UBAC2: variants seen among roughly 807,000 people sequenced by gnomAD.
UBAC2 encodes UBA domain containing 2, also known as ubiquitin-associated domain-containing protein 2.
In UBAC2, 26 loss-of-function variants were observed where a neutral mutation model predicts 44.0. The ratio of observed to expected loss-of-function variants is 0.59; its 90% CI spans 0.43 to 0.82. UBAC2 has a LOEUF of 0.82. UBAC2 is among the 40% of genes least tolerant of loss of function. The pLI is 0.00. For synonymous variants in UBAC2, 155 were observed against 154.3 expected, an observed-to-expected ratio of 1.00 and a Z score of -0.04; for missense variants, 329 against 419.4, an observed-to-expected ratio of 0.78 and a Z score of 1.88.
rs569741624 is a variant in UBAC2 at position 99,362,242 on chromosome 13, T to G, written c.808-5545T>G. On this transcript the variant is annotated intron_variant, in intron 7 of 8. Coordinates refer to ENST00000403766, the MANE Select transcript of UBAC2 (RefSeq NM_001144072.2). The stretch of plus-strand genomic sequence containing the variant: ...TTTATTGTAGCTGCTTTTATAATGG[T>G]CTTTTATATAATAGAACCACTTATT... Among the ~76,000 whole-genome samples the G allele has an allele frequency of 2.0e-5, 3 of 152,330 alleles. No homozygotes were observed. The South Asian group carries it at 6.2e-4, about 32-fold the overall frequency.
In UBAC2 at chr13:99,248,436, G is replaced by A. The variant is rs2043416470; in HGVS notation, c.389+3812G>A. ...GACAGATTTTCACTCTTGCCGCCCA[G>A]GCTGCAGTGCAATGGCGTGATTTCT... is the stretch of plus-strand genomic sequence containing the variant. On this transcript the variant is annotated intron_variant, in intron 4 of 8. Transcript: ENST00000403766. 3.4e-5 allele frequency among the ~76,000 whole-genome samples: 5 copies of A among 148,772 alleles called. No homozygotes were observed. The South Asian group carries it at 1.1e-3, about 32-fold the overall frequency.
intron 4 of UBAC2, among the ~76,000 whole-genome samples, chr13:99,270,312 C>T (rs189852754): frequency 1.6e-4 from 24 of 152,174 alleles, no homozygotes; most frequent in African/African-American, 4.8e-4. Context: ...ATATTGTTTG[C>T]CATTTTGTGT....
intron 1 of UBAC2, among the ~76,000 whole-genome samples, chr13:99,210,068 T>C (rs1201696443): frequency 6.6e-6 from 1 of 152,162 alleles, no homozygotes; most frequent in Non-Finnish European, 1.5e-5. Flanking sequence ...AAAATGTTTC[T>C]TTTCATCGTA....
chr13:99,223,442 C>G (rs537561955), intron 1 of UBAC2, among the ~76,000 whole-genome samples: 1 of 150,546 alleles, frequency 6.6e-6, no homozygotes, highest in Admixed American at 6.6e-5. Flanking sequence ...TGATTTGTCT[C>G]TATTATAGTT....
intron 7 of UBAC2, among the ~76,000 whole-genome samples, chr13:99,351,104 G>C (rs1466844762): frequency 6.6e-6 from 1 of 152,194 alleles, no homozygotes; most frequent in Non-Finnish European, 1.5e-5. Flanking sequence ...GGTTGACAGG[G>C]ACATCTATAC....
At chr13:99,216,173 C>T (rs2042993574) in intron 1 of UBAC2, among the ~76,000 whole-genome samples, 1 of 152,026 alleles carries the variant, frequency 6.6e-6, no homozygotes, top group African/African-American at 2.4e-5. Flanking sequence ...GCAATCTCGG[C>T]TCACTGCAAC....
intron 4 of UBAC2, among the ~76,000 whole-genome samples, chr13:99,312,479 C>T (rs768003345): frequency 9.2e-5 from 14 of 152,182 alleles, no homozygotes; most frequent in Non-Finnish European, 1.8e-4. Context: ...AGATTTCCGT[C>T]CTGTGATGAG....
In UBAC2 at chr13:99,333,910, A is replaced by G. The variant is rs185850888; in HGVS notation, c.562-6410A>G. Among the ~76,000 whole-genome samples, 62 of 152,270 alleles carry G rather than the reference A, an allele frequency of 4.1e-4. No individual in the cohort carries two copies. The East Asian group carries it at 9.8e-3, about 24-fold the overall frequency. ...AACTCCTTAAATACTGGCAAAAACTATGCATTTTCATTATATTTTTCTTAA... is the reference window on the plus strand; with the variant it reads ...AACTCCTTAAATACTGGCAAAAACTGTGCATTTTCATTATATTTTTCTTAA... On this transcript the variant is annotated intron_variant, in intron 6 of 8. Transcript: ENST00000403766.
chr13:99,211,794 C>T (rs745727782), intron 1 of UBAC2, among the ~76,000 whole-genome samples: 1 of 152,180 alleles, frequency 6.6e-6, no homozygotes, highest in African/African-American at 2.4e-5. Flanking sequence ...TCGTCTCAGG[C>T]GAGTGATGTT....
At chr13:99,217,643 C>T (rs773766771) in intron 1 of UBAC2, among the ~76,000 whole-genome samples, 2 of 152,322 alleles carry the variant, frequency 1.3e-5, no homozygotes, top group Non-Finnish European at 2.9e-5. Flanking sequence ...GTCTCAGCTG[C>T]GCTGATGGGT....
intron 4 of UBAC2, among the ~76,000 whole-genome samples, chr13:99,289,150 G>A (rs1483879657): frequency 1.3e-5 from 2 of 152,184 alleles, no homozygotes; most frequent in Non-Finnish European, 1.5e-5. Context: ...ACAGAACCAG[G>A]CCACCCATCT....
chr13:99,368,024 T>A, intron 8 of UBAC2, 118 bp downstream of exon 8: 1 of 1,242,114 alleles, frequency 8.1e-7, no homozygotes, highest in African/African-American at 1.5e-5. Context: ...GTGACAGCAG[T>A]CCATCTGCCA....
rs189306539 is a variant in UBAC2 at position 99,382,372 on chromosome 13, C to T, written c.928-2856C>T. ...TTATGTGAAAATTCCTGAGTGTTTT[C>T]AGCAGGCCCAGCTTAACTGGCCACA... On this transcript the variant is annotated intron_variant, in intron 8 of 8. Transcript: ENST00000403766. Among the ~76,000 whole-genome samples, 377 of 152,350 alleles carry T rather than the reference C, an allele frequency of 2.5e-3. 7 individuals are homozygous for T. Among genetic ancestry groups the T allele is most frequent in the Non-Finnish European group, 2.4e-4 (16 of 68,032 alleles).
At chr13:99,330,957 A>G (rs931027496) in intron 6 of UBAC2, among the ~76,000 whole-genome samples, 3 of 152,198 alleles carry the variant, frequency 2.0e-5, no homozygotes, top group African/African-American at 4.8e-5. Context: ...GTTAAAATGG[A>G]TATTAGAAGG....
At chr13:99,277,206 T>C (rs977146633) in intron 4 of UBAC2, among the ~76,000 whole-genome samples, 1 of 152,204 alleles carries the variant, frequency 6.6e-6, no homozygotes, top group Non-Finnish European at 1.5e-5. Context: ...GAGATAAATA[T>C]GTATGTTCAA....
intron 7 of UBAC2, among the ~76,000 whole-genome samples, chr13:99,360,383 C>T (rs139527409): frequency 6.6e-6 from 1 of 152,332 alleles, no homozygotes; most frequent in East Asian, 1.9e-4. Context: ...TTCTCATACT[C>T]TCCATGTGAG....
chr13:99,317,984 A>G (rs1282836611), intron 5 of UBAC2, 38 bp from the exon 6 acceptor site: 1 of 1,574,086 alleles, frequency 6.4e-7, no homozygotes, highest in African/African-American at 1.4e-5. Context: ...CTGGCAGTTG[A>G]ATTTTATTTT....
intron 5 of UBAC2, among the ~76,000 whole-genome samples, chr13:99,316,970 A>G (rs150896814): frequency 6.6e-6 from 1 of 152,214 alleles, no homozygotes; most frequent in Admixed American, 6.5e-5. Flanking sequence ...ATTTGTCTAC[A>G]TGGTTCCATC....
intron 1 of UBAC2, among the ~76,000 whole-genome samples, chr13:99,210,904 G>A (rs182222829): frequency 6.6e-6 from 1 of 152,304 alleles, no homozygotes; most frequent in East Asian, 1.9e-4. Flanking sequence ...GAGCCACCAT[G>A]CTGGGCCCCG....
Sources: gnomAD v4.1 joint callset for allele counts (sites outside exome capture counted in the v4.1 genomes callset) on GRCh38, gnomAD v4.1.1 for gene constraint, MANE v1.5 for transcripts, NCBI Gene and HGNC (gene_info 2026-07-23, HGNC 2026-07-21) for gene names.